PAX2: variants seen among roughly 807,000 people sequenced by gnomAD.
The protein encoded by PAX2 is paired box protein Pax-2.
PAX2 carries 9 observed loss-of-function variants against 41.7 expected under a neutral mutation model. The observed-to-expected ratio is 0.22, with a 90% CI of 0.13 to 0.38. The LOEUF (loss-of-function observed/expected upper bound fraction) is 0.38, where lower values mean the gene tolerates loss of function less well. Ranked by LOEUF, PAX2 falls within the 10% of genes least tolerant of loss-of-function variation. The pLI, the probability that PAX2 is intolerant of heterozygous loss-of-function variation, is 1.00. For missense variants in PAX2, 418 were observed against 531.6 expected, an observed-to-expected ratio of 0.79 and a Z score of 2.10; for synonymous variants, 221 against 212.7, an observed-to-expected ratio of 1.04 and a Z score of -0.34.
chr10:100,769,562 A>T (rs939283287), intron 3 of PAX2, among the ~76,000 whole-genome samples: 2 of 151,570 alleles, frequency 1.3e-5, no homozygotes, highest in Admixed American at 1.3e-4. Flanking sequence ...CAGAGGTTGC[A>T]GTGAGCTGAG....
At chr10:100,787,393 T>C (rs1221786168) in intron 5 of PAX2, among the ~76,000 whole-genome samples, 2 of 152,200 alleles carry the variant, frequency 1.3e-5, no homozygotes, top group African/African-American at 4.8e-5. Flanking sequence ...CCATTATATT[T>C]GTTTGTAAAA....
intron 7 of PAX2, among the ~76,000 whole-genome samples, chr10:100,811,411 G>A (rs1315615175): frequency 6.6e-6 from 1 of 152,268 alleles, no homozygotes; most frequent in African/African-American, 2.4e-5. Context: ...GGTGAGCCAT[G>A]GGGCATTGCT....
chr10:100,809,124 C>T lies in PAX2; in HGVS notation c.807C>T (p.Ser269=). ...HIKSEQGNEY[S]LPALTPGLDE... ...TCTCCTCCCAGGGGAACGAGTACTC[C>T]CTCCCAGCCCTGACCCCTGGGCTTG... is the stretch of plus-strand genomic sequence containing the variant. The change falls in exon 7 of 10, where the codon TCC becomes TCT. Residue 269 remains serine, a synonymous_variant. Transcript: ENST00000355243. 1 of 1,612,850 alleles carries T rather than the reference C, an allele frequency of 6.2e-7. No homozygotes were observed. The highest frequency in any genetic ancestry group is 1.1e-5 in the South Asian group (1 of 91,042).
At chr10:100,798,347 C>T (rs1239219876) in intron 5 of PAX2, among the ~76,000 whole-genome samples, 1 of 152,016 alleles carries the variant, frequency 6.6e-6, no homozygotes, top group African/African-American at 2.4e-5. Flanking sequence ...ACCTCCTGAG[C>T]TCAAGCAATC....
chr10:100,754,109 T>C (rs889910925), intron 3 of PAX2, among the ~76,000 whole-genome samples: 2 of 152,158 alleles, frequency 1.3e-5, no homozygotes, highest in Non-Finnish European at 2.9e-5. Flanking sequence ...GTGTGGGACA[T>C]GGCCTGGAGA....
At chr10:100,793,743 G>T (rs1244860212) in intron 5 of PAX2, among the ~76,000 whole-genome samples, 3 of 152,150 alleles carry the variant, frequency 2.0e-5, no homozygotes, top group Admixed American at 2.0e-4. Flanking sequence ...TGACTGCTTT[G>T]GTGTGTAAAT....
chr10:100,809,056 C>A, intron 6 of PAX2, 54 bp from the exon 7 acceptor site: 1 of 1,577,802 alleles, frequency 6.3e-7, no homozygotes, highest in South Asian at 1.1e-5. Context: ...CACACCGAGC[C>A]CTTTCTCTGT....
chr10:100,784,762 C>T (rs112005746), intron 5 of PAX2, among the ~76,000 whole-genome samples: 24 of 152,242 alleles, frequency 1.6e-4, no homozygotes, highest in African/African-American at 5.8e-4. Context: ...CAATCATTTC[C>T]CTGGGGATAT....
At chr10:100,796,218 A>G (rs1263715952) in intron 5 of PAX2, among the ~76,000 whole-genome samples, 10 of 152,218 alleles carry the variant, frequency 6.6e-5, no homozygotes, top group Non-Finnish European at 1.3e-4. Context: ...CCAGGAGATA[A>G]CCACTGTTGA....
chr10:100,748,511 GGCTGCA>G lies in PAX2; in HGVS notation c.44-1231_44-1226del. 1 of 985,312 alleles carries G rather than the reference GGCTGCA, an allele frequency of 1.0e-6. No homozygotes were observed. The highest frequency in any genetic ancestry group is 1.2e-6 in the Non-Finnish European group (1 of 829,894). The allele number at this position is 985,312 out of a possible 1,614,324, so 61.0% of individuals were successfully genotyped here. ...ACTCGCGTGAGGCTAGCGGGGCAGGGGCTGCAGCTTGCCAGTCCGGGCCGACCCGAC... is the reference window on the plus strand; with the variant it reads ...ACTCGCGTGAGGCTAGCGGGGCAGGGGCTTGCCAGTCCGGGCCGACCCGAC... On this transcript the variant is annotated intron_variant, in intron 1 of 9. Coordinates refer to ENST00000355243, the MANE Select transcript of PAX2 (RefSeq NM_000278.5). The surrounding 1 kb of genome is among the most constrained non-coding windows in gnomAD (Gnocchi z 5.0).
intron 3 of PAX2, among the ~76,000 whole-genome samples, chr10:100,775,196 G>A (rs1018247897): frequency 1.3e-5 from 2 of 152,242 alleles, no homozygotes; most frequent in African/African-American, 4.8e-5. Context: ...TTTGATGTGT[G>A]TCTGGCTGTC....
chr10:100,763,399 G>A (rs963825439), intron 3 of PAX2, among the ~76,000 whole-genome samples: 4 of 152,208 alleles, frequency 2.6e-5, no homozygotes, highest in Non-Finnish European at 5.9e-5. Flanking sequence ...CCTATTTTCA[G>A]AGAAAAATAT....
At position 100,748,419 on chromosome 10, in the gene PAX2, T is replaced by C. The variant is rs143824015; in HGVS notation, c.44-1327T>C. 909 of 984,926 alleles carry C rather than the reference T, an allele frequency of 9.2e-4. 4 individuals are homozygous for C. In the African/African-American group the frequency reaches 0.014, roughly 16 times the overall value. 61.0% of individuals were successfully genotyped at this position (984,926 alleles called of 1,614,324 possible). On this transcript the variant is annotated intron_variant, in intron 1 of 9. Coordinates refer to ENST00000355243, the MANE Select transcript of PAX2 (RefSeq NM_000278.5). The surrounding 1 kb of genome is among the most constrained non-coding windows in gnomAD (Gnocchi z 5.0). ...CCCCAGGGTTTCACCGAGCTTGCTCTAGGTACCCCCCGAGAAAGGGAGGGG... is the reference window on the plus strand; with the variant it reads ...CCCCAGGGTTTCACCGAGCTTGCTCCAGGTACCCCCCGAGAAAGGGAGGGG...
Position 100,806,287 on chromosome 10 carries a change from T to G in PAX2, c.617-143T>G, listed in dbSNP as rs561823707. On this transcript the variant is annotated intron_variant, in intron 5 of 9. Transcript: ENST00000355243. ...GGCCACCCTCTGGTGTCAGCCCCAC[T>G]GGCCCAGGGGCTGAGAGTAAGGGGT... The G allele has an allele frequency of 1.3e-3, 1,069 of 824,292 alleles. 2 individuals are homozygous for G. Among genetic ancestry groups the G allele is most frequent in the Non-Finnish European group, 2.0e-3 (964 of 493,954 alleles). The allele number at this position is 824,292 out of a possible 1,614,324, so 51.1% of individuals were successfully genotyped here.
intron 5 of PAX2, among the ~76,000 whole-genome samples, chr10:100,787,785 G>A (rs1846929867): frequency 6.6e-6 from 1 of 152,118 alleles, no homozygotes; most frequent in African/African-American, 2.4e-5. Context: ...GCAAAGTGAG[G>A]TGTTGTTTGA....
At chr10:100,794,861 A>AT (rs55984446) in intron 5 of PAX2, among the ~76,000 whole-genome samples, 3 of 151,864 alleles carry the variant, frequency 2.0e-5, no homozygotes, top group African/African-American at 7.3e-5. Flanking sequence ...TGTGTAATTG[A>AT]TTTTTTTTTT....
intron 3 of PAX2, among the ~76,000 whole-genome samples, chr10:100,759,340 A>G (rs1037098070): frequency 2.0e-5 from 3 of 152,184 alleles, no homozygotes; most frequent in Non-Finnish European, 4.4e-5. Flanking sequence ...GGCTGGAGCT[A>G]TGCAGCCCTT....
At chr10:100,775,029 C>T (rs906269144) in intron 3 of PAX2, among the ~76,000 whole-genome samples, 1 of 152,218 alleles carries the variant, frequency 6.6e-6, no homozygotes, top group Non-Finnish European at 1.5e-5. Context: ...AAGTGGGGAG[C>T]AGGCACCCTG....
intron 5 of PAX2, chr10:100,786,895 C>A: frequency 8.5e-7 from 1 of 1,182,862 alleles, no homozygotes; most frequent in Non-Finnish European, 1.2e-6. Context: ...TTCTGCCTGC[C>A]TGTCTTTCGG....
Sources: gnomAD v4.1 joint callset for allele counts (sites outside exome capture counted in the v4.1 genomes callset) on GRCh38, gnomAD v4.1.1 for gene constraint, Gnocchi (gnomAD v3.1) non-coding constraint, MANE v1.5 for transcripts, NCBI Gene and HGNC (gene_info 2026-07-23, HGNC 2026-07-21) for gene names.